Variants in NAV2 observed in about 807,000 individuals in gnomAD.
NAV2 encodes helicase, APC down-regulated 1.
NAV2 carries 54 observed loss-of-function variants against 223.2 expected under a neutral mutation model. The ratio of observed to expected loss-of-function variants is 0.24; its 90% CI spans 0.19 to 0.30. The LOEUF (loss-of-function observed/expected upper bound fraction) is 0.30. Ranked by LOEUF, NAV2 falls within the 10% of genes least tolerant of loss-of-function variation. NAV2 has a pLI of 1.00. For missense variants in NAV2, 2,806 were observed against 3,147.5 expected (o/e 0.89, Z 2.60); for synonymous variants, 1,279 against 1,239.3 (o/e 1.03, Z -0.67).
chr11:19,346,498 G>T, upstream of NAV2, among the ~76,000 whole-genome samples: 1 of 152,254 alleles, frequency 6.6e-6, no homozygotes, highest in East Asian at 1.9e-4. Context: ...TGCCTCCCGG[G>T]TGTGCGCTCC....
At chr11:19,411,484 T>C (rs1850142932) in intron 1 of NAV2, among the ~76,000 whole-genome samples, 1 of 152,166 alleles carries the variant, frequency 6.6e-6, no homozygotes, top group Non-Finnish European at 1.5e-5. Context: ...TTCTTCCACC[T>C]CCTGTAAATC....
intron 1 of NAV2, among the ~76,000 whole-genome samples, chr11:19,484,506 A>C (rs2246595): frequency 0.93 from 141,885 of 152,280 alleles, 66,911 homozygotes; most frequent in East Asian, 1. Flanking sequence ...GGCTCTTGAC[A>C]CTGAGAGGCC....
Position 19,879,994 on chromosome 11 carries a change from G to A in NAV2, c.637G>A (p.Val213Met), listed in dbSNP as rs1175010145. 5 of 1,613,696 alleles carry A rather than the reference G, an allele frequency of 3.1e-6. No individual in the cohort carries two copies. In the South Asian group the frequency reaches 4.4e-5, roughly 14 times the overall value. Residue 213 changes from valine to methionine, a missense_variant, in exon 5 of 38, where the codon GTG (valine) becomes ATG (methionine). Val to Met is a conservative substitution (Grantham distance 21). Coordinates refer to ENST00000349880, the MANE Select transcript of NAV2 (RefSeq NM_145117.5). Reference protein sequence around the residue: ...SSPLPPAVSQVAGAPSQCQAG... With the variant: ...SSPLPPAVSQMAGAPSQCQAG... ...ACCTCTGCCGCCCGCCGTATCCCAG[G>A]TGGCCGGGGCCCCCTCCCAGTGCCA...
chr11:19,402,134 T>C (rs746748579), intron 1 of NAV2, among the ~76,000 whole-genome samples: 8 of 152,212 alleles, frequency 5.3e-5, no homozygotes, highest in Admixed American at 1.3e-4. Flanking sequence ...ACACAGCTCC[T>C]GACACATCAT....
At chr11:19,567,641 T>C (rs901568) in intron 1 of NAV2, among the ~76,000 whole-genome samples, 138,347 of 152,088 alleles carry the variant, frequency 0.91, 63,297 homozygotes, top group Middle Eastern at 0.99. Context: ...TCCCCAGCCT[T>C]GGCCCTCAGA....
intron 1 of NAV2, among the ~76,000 whole-genome samples, chr11:19,803,816 G>A (rs1039414363): frequency 6.6e-6 from 1 of 152,240 alleles, no homozygotes; most frequent in Non-Finnish European, 1.5e-5. Flanking sequence ...AAAAAGGCAA[G>A]TTAAAAGTAA....
chr11:19,563,642 C>A (rs1401672094), intron 1 of NAV2, among the ~76,000 whole-genome samples: 1 of 152,168 alleles, frequency 6.6e-6, no homozygotes, highest in Non-Finnish European at 1.5e-5. Context: ...CCCATTGAAT[C>A]CCGGGTCTAT....
chr11:19,606,451 C>A (rs534084664), intron 1 of NAV2, among the ~76,000 whole-genome samples: 12 of 152,142 alleles, frequency 7.9e-5, no homozygotes, highest in Non-Finnish European at 1.6e-4. Flanking sequence ...GTCCAGTGCT[C>A]CTCGCTGACC....
At chr11:19,567,623 C>T (rs2045308429) in intron 1 of NAV2, among the ~76,000 whole-genome samples, 1 of 152,134 alleles carries the variant, frequency 6.6e-6, no homozygotes, top group Admixed American at 6.5e-5. Flanking sequence ...GAGCCAGGCC[C>T]CCCTTTGTCC....
Position 19,933,829 on chromosome 11 carries a change from GTGCCCGAGA to G in NAV2, c.1590_1598del (p.Glu531_Pro533del). The G allele has an allele frequency of 6.2e-7, 1 of 1,610,858 alleles. No homozygotes were observed. The highest frequency in any genetic ancestry group is 8.5e-7 in the Non-Finnish European group (1 of 1,179,202). On this transcript the variant is annotated inframe_deletion, in exon 7 of 38. Transcript: ENST00000349880. The surrounding 1 kb of genome is among the most constrained non-coding windows in gnomAD (Gnocchi z 4.3). ...AAAAGAAGACCCCAGTGGAGCAGCT[GTGCCCGAGA>G]TGCCAAAAAAGTCCTCCAAGATTGC...
At chr11:19,832,415 G>A (rs2059995613) in intron 1 of NAV2, 69 bp from the exon 2 acceptor site, 3 of 1,231,356 alleles carry the variant, frequency 2.4e-6, no homozygotes, top group South Asian at 2.5e-5. Context: ...GCCGGCCCGA[G>A]CAGCTGCCTC....
intron 1 of NAV2, among the ~76,000 whole-genome samples, chr11:19,803,735 A>T (rs1223134583): frequency 6.6e-6 from 1 of 152,390 alleles, no homozygotes; most frequent in Admixed American, 6.5e-5. Context: ...GAAGCCCCTC[A>T]TTCTTCTCCC....
chr11:19,608,641 A>T (rs965406907), intron 1 of NAV2, among the ~76,000 whole-genome samples: 34 of 152,258 alleles, frequency 2.2e-4, no homozygotes, highest in African/African-American at 8.2e-4. Flanking sequence ...ACTCCCATAA[A>T]ACCTAGTTGT....
intron 6 of NAV2, among the ~76,000 whole-genome samples, chr11:19,894,735 A>AT (rs1352004877): frequency 3.3e-5 from 5 of 152,038 alleles, no homozygotes; most frequent in African/African-American, 9.7e-5. Context: ...AGTCATACTT[A>AT]TTTTTTTATT....
At chr11:19,688,267 G>A (rs992147811) in intron 1 of NAV2, among the ~76,000 whole-genome samples, 28 of 152,210 alleles carry the variant, frequency 1.8e-4, no homozygotes, top group Non-Finnish European at 2.9e-5. Flanking sequence ...AGGAACAGAA[G>A]ACTCTGTAAA....
At position 20,048,999 on chromosome 11, in the gene NAV2, T is replaced by C; in HGVS notation, c.4174T>C (p.Ser1392Pro). The stretch of plus-strand genomic sequence containing the variant: ...CTGGGGCACCAACGCCAGCAGCTCC[T>C]CCGCAGTTAGCAAGGATGGCCTGGG... The part of the protein sequence containing the change: ...LTWGTNASSS[S>P]AVSKDGLGFQ... The change falls in exon 15 of 38, where the codon TCC becomes CCC. Residue 1392 changes from serine to proline, a missense_variant. By Grantham distance (74) the Ser-to-Pro change is moderately conservative. Around this residue, in one of 4 missense-constraint regions of NAV2, gnomAD observed 742 missense variants for 777.9 expected, o/e 0.95. Transcript: ENST00000349880. 1.2e-6 allele frequency: 2 copies of C among 1,614,114 alleles called. No homozygotes were observed. Among genetic ancestry groups the C allele is most frequent in the South Asian group, 2.2e-5 (2 of 91,070 alleles).
intron 12 of NAV2, among the ~76,000 whole-genome samples, chr11:20,036,574 T>A (rs1185919250): frequency 6.6e-6 from 1 of 152,196 alleles, no homozygotes; most frequent in Non-Finnish European, 1.5e-5. Flanking sequence ...GGTTGAGAAC[T>A]CTGTCTCTGG....
intron 7 of NAV2, among the ~76,000 whole-genome samples, chr11:19,937,871 T>G (rs2046048676): frequency 6.6e-6 from 1 of 151,776 alleles, no homozygotes; most frequent in Non-Finnish European, 1.5e-5. Context: ...ATAAGGAGAG[T>G]GCTATAGGAT....
At chr11:19,495,775 T>A (rs2042774842) in intron 1 of NAV2, among the ~76,000 whole-genome samples, 1 of 152,100 alleles carries the variant, frequency 6.6e-6, no homozygotes. Context: ...ATATTATATA[T>A]AGTAATAAAA....
Sources: allele counts gnomAD v4.1 joint callset (sites outside exome capture counted in the v4.1 genomes callset), GRCh38; gene constraint gnomAD v4.1.1; regional missense constraint gnomAD v4.1.1; non-coding constraint Gnocchi (gnomAD v3.1); transcripts MANE v1.5; gene names NCBI Gene and HGNC (gene_info 2026-07-23, HGNC 2026-07-21).